The following GOLGA8B variants were observed in gnomAD, a reference collection of about 807,000 sequenced individuals.
The protein encoded by GOLGA8B is golgin A8 family member B.
In GOLGA8B, 1 loss-of-function variant was observed where a neutral mutation model predicts 15.6. That is an observed-to-expected ratio of 0.06 (90% CI 0.02 to 0.30). The LOEUF (loss-of-function observed/expected upper bound fraction) is 0.30, where lower values mean the gene tolerates loss of function less well. Among genes scored for constraint, GOLGA8B ranks in the 10% least tolerant of loss-of-function variants. GOLGA8B has a pLI of 1.00. For missense variants in GOLGA8B, 17 were observed against 201.3 expected, an observed-to-expected ratio of 0.08 and a Z score of 5.54; for synonymous variants, 9 against 80.3, an observed-to-expected ratio of 0.11 and a Z score of 4.75.
chr15:34,578,440 C>A (rs552315672), intron 1 of GOLGA8B, among the ~76,000 whole-genome samples: 1 of 152,140 alleles, frequency 6.6e-6, no homozygotes, highest in Non-Finnish European at 1.5e-5. Context: ...ATGCCCACCC[C>A]GTTAAAAACA....
chr15:34,570,142 C>T (rs1478069580), intron 1 of GOLGA8B, among the ~76,000 whole-genome samples: 2 of 152,096 alleles, frequency 1.3e-5, no homozygotes, highest in Admixed American at 6.5e-5. Flanking sequence ...GGGGTCCTCA[C>T]GTTTGGAGGA....
At chr15:34,564,822 G>A (rs1888716770) in intron 1 of GOLGA8B, among the ~76,000 whole-genome samples, 1 of 144,148 alleles carries the variant, frequency 6.9e-6, no homozygotes, top group Admixed American at 6.8e-5. Context: ...GACCAGATGT[G>A]GGAGGACTTC....
intron 1 of GOLGA8B, among the ~76,000 whole-genome samples, chr15:34,574,565 A>G (rs1443139216): frequency 2.0e-5 from 3 of 152,026 alleles, no homozygotes; most frequent in South Asian, 2.1e-4. Flanking sequence ...TCAGCCTCAC[A>G]AAGTGCTGGG....
At chr15:34,571,851 C>T (rs949019899) in intron 1 of GOLGA8B, among the ~76,000 whole-genome samples, 1 of 151,716 alleles carries the variant, frequency 6.6e-6, no homozygotes, top group African/African-American at 2.4e-5. Flanking sequence ...TTTTACATTG[C>T]CAGAGATGTC....
At chr15:34,576,020 G>C (rs932240152) in intron 1 of GOLGA8B, among the ~76,000 whole-genome samples, 20 of 152,240 alleles carry the variant, frequency 1.3e-4, no homozygotes, top group Non-Finnish European at 1.9e-4. Flanking sequence ...CAGAGTCCCT[G>C]AGTGTCAAAG....
chr15:34,569,840 G>A (rs1226134669), intron 1 of GOLGA8B, among the ~76,000 whole-genome samples: 54 of 151,318 alleles, frequency 3.6e-4, no homozygotes, highest in African/African-American at 1.3e-3. Context: ...CAAGGTCAAG[G>A]CTAGAACATA....
intron 4 of GOLGA8B, among the ~76,000 whole-genome samples, chr15:34,548,048 G>C (rs1888325031): frequency 6.6e-6 from 1 of 152,120 alleles, no homozygotes. Context: ...GTGTCTCCTG[G>C]TGCCTATGTA....
chr15:34,578,999 C>G (rs1889157968), intron 1 of GOLGA8B, among the ~76,000 whole-genome samples: 1 of 152,142 alleles, frequency 6.6e-6, no homozygotes, highest in Non-Finnish European at 1.5e-5. Flanking sequence ...AGAAGCCACA[C>G]CATGGAGTCC....
At chr15:34,565,299 C>T (rs1888730686) in intron 1 of GOLGA8B, among the ~76,000 whole-genome samples, 2 of 138,908 alleles carry the variant, frequency 1.4e-5, no homozygotes, top group Non-Finnish European at 1.7e-5. Flanking sequence ...CCACGCCTGG[C>T]TAATTTTTGT....
At chr15:34,532,341 G>T (rs1283875956) in intron 11 of GOLGA8B, among the ~76,000 whole-genome samples, 1 of 60,214 alleles carries the variant, frequency 1.7e-5, no homozygotes, top group African/African-American at 3.1e-5. Context: ...ACGGGCCAGG[G>T]ACGGTTCTTC....
At chr15:34,577,141 C>A (rs1307234406) in intron 1 of GOLGA8B, among the ~76,000 whole-genome samples, 4 of 152,086 alleles carry the variant, frequency 2.6e-5, no homozygotes, top group African/African-American at 9.7e-5. Context: ...CCCGTGACAG[C>A]TGCCACCAGC....
intron 1 of GOLGA8B, among the ~76,000 whole-genome samples, chr15:34,580,530 C>T (rs1889200331): frequency 6.6e-6 from 1 of 152,138 alleles, no homozygotes; most frequent in African/African-American, 2.4e-5. Context: ...TCACCTAACT[C>T]CCGGGCCTCC....
chr15:34,575,176 A>C (rs1407602607), intron 1 of GOLGA8B, among the ~76,000 whole-genome samples: 1 of 150,650 alleles, frequency 6.6e-6, no homozygotes, highest in Non-Finnish European at 1.5e-5. Flanking sequence ...ATCAGCTGCC[A>C]CCTCCTATAG....
chr15:34,565,174 C>T (rs1888727351), intron 1 of GOLGA8B, among the ~76,000 whole-genome samples: 1 of 132,594 alleles, frequency 7.5e-6, no homozygotes, highest in South Asian at 2.3e-4. Flanking sequence ...TCACTCTTGT[C>T]GCCCAGGCTG....
intron 1 of GOLGA8B, among the ~76,000 whole-genome samples, chr15:34,583,229 G>T (rs12899821): frequency 0.095 from 14,431 of 151,730 alleles, 981 homozygotes; most frequent in East Asian, 0.27. Context: ...CCCTCACCGC[G>T]GTGAGCCCCT....
intron 1 of GOLGA8B, among the ~76,000 whole-genome samples, chr15:34,559,093 G>A (rs1222815848): frequency 2.2e-5 from 3 of 135,494 alleles, no homozygotes; most frequent in Non-Finnish European, 4.6e-5. Context: ...ACCCTGAAAA[G>A]GGAAGGAAAT....
At chr15:34,564,964 T>C (rs547783390) in intron 1 of GOLGA8B, among the ~76,000 whole-genome samples, 1 of 143,206 alleles carries the variant, frequency 7.0e-6, no homozygotes, top group South Asian at 2.2e-4. Flanking sequence ...GAGGGATGAA[T>C]TAAGGGGCTG....
At chr15:34,574,663 G>T (rs578255952) in intron 1 of GOLGA8B, among the ~76,000 whole-genome samples, 2 of 152,202 alleles carry the variant, frequency 1.3e-5, no homozygotes, top group South Asian at 4.1e-4. Context: ...ACAGCACATG[G>T]AAGTAACAAA....
chr15:34,563,673 C>A (rs544474856), intron 1 of GOLGA8B, among the ~76,000 whole-genome samples: 1 of 152,076 alleles, frequency 6.6e-6, no homozygotes, highest in Non-Finnish European at 1.5e-5. Flanking sequence ...TTCAGTTTTC[C>A]TTCTGTAAGA....
Sources: allele counts gnomAD v4.1 joint callset (sites outside exome capture counted in the v4.1 genomes callset), GRCh38; gene constraint gnomAD v4.1.1; transcripts MANE v1.5; gene names NCBI Gene and HGNC (gene_info 2026-07-23, HGNC 2026-07-21).